The following PCDHGA4 variants were observed in gnomAD, a reference collection of about 807,000 sequenced individuals.
The protein encoded by PCDHGA4 is protocadherin gamma-A4.
PCDHGA4 carries 38 observed loss-of-function variants against 54.6 expected under a neutral mutation model. That is an observed-to-expected ratio of 0.70 (90% CI 0.54 to 0.91). The LOEUF (loss-of-function observed/expected upper bound fraction) is 0.91, where lower values mean the gene tolerates loss of function less well. Ranked by LOEUF, PCDHGA4 falls within the 40% of genes least tolerant of loss-of-function variation. The probability of loss-of-function intolerance (pLI) is 0.00; values close to 1 mark genes in which losing one functional copy is unlikely to be tolerated. For missense variants in PCDHGA4, 1,298 were observed against 1,220.9 expected (o/e 1.06, Z -0.94); for synonymous variants, 511 against 512.9 (o/e 1.00, Z 0.05).
At chr5:141,358,969 G>C (rs1588537487) in intron 1 of PCDHGA4, among the ~76,000 whole-genome samples, 1 of 152,190 alleles carries the variant, frequency 6.6e-6, no homozygotes. Context: ...GGTTCTGTGA[G>C]AATTCAAAAT....
At chr5:141,362,060 T>C (rs764020676) in intron 1 of PCDHGA4, 9 of 1,612,216 alleles carry the variant, frequency 5.6e-6, no homozygotes, top group Non-Finnish European at 7.6e-6. Flanking sequence ...CGCCAGCGCC[T>C]GCTGGTCGCT....
At chr5:141,409,858 G>A in intron 1 of PCDHGA4, 2 of 1,612,340 alleles carry the variant, frequency 1.2e-6, no homozygotes, top group Non-Finnish European at 1.7e-6. Context: ...GCGTGTTGGT[G>A]GGAGACCGCA....
At chr5:141,383,174 G>A in intron 1 of PCDHGA4, 6 of 1,614,084 alleles carry the variant, frequency 3.7e-6, no homozygotes, top group South Asian at 2.2e-5. Flanking sequence ...AGGATAGACC[G>A]GGAAGAGATC....
At chr5:141,394,278 TACTC>T in intron 1 of PCDHGA4, 1 of 1,613,924 alleles carries the variant, frequency 6.2e-7, no homozygotes, top group East Asian at 2.2e-5. Flanking sequence ...CCAGGTCACT[TACTC>T]TGTGACCGAG....
intron 1 of PCDHGA4, chr5:141,421,903 G>A (rs757656265): frequency 6.2e-6 from 10 of 1,613,704 alleles, no homozygotes; most frequent in African/African-American, 1.3e-5. Flanking sequence ...CCGAAAGGGC[G>A]CAGTTCCCAT....
intron 1 of PCDHGA4, chr5:141,423,750 TGGGG>T: frequency 7.0e-5 from 20 of 287,406 alleles, no homozygotes; most frequent in Non-Finnish European, 9.0e-5. Context: ...GAAAACTGTT[TGGGG>T]GGGGGGTGGG....
chr5:141,458,540 TTTTG>T (rs754668779), intron 1 of PCDHGA4, among the ~76,000 whole-genome samples: 43 of 150,468 alleles, frequency 2.9e-4, no homozygotes, highest in East Asian at 1.7e-3. Context: ...ATCAACTTTA[TTTTG>T]TTTGTTTGTT....
intron 1 of PCDHGA4, chr5:141,385,316 G>A: frequency 1.2e-6 from 2 of 1,610,350 alleles, no homozygotes; most frequent in Non-Finnish European, 1.7e-6. Flanking sequence ...AACCTGCCAA[G>A]TATTCAGGTG....
chr5:141,439,212 T>G (rs1391791892), intron 1 of PCDHGA4, among the ~76,000 whole-genome samples: 1 of 150,642 alleles, frequency 6.6e-6, no homozygotes, highest in Non-Finnish European at 1.5e-5. Context: ...AAAATCCATA[T>G]GTGAAAATTC....
At chr5:141,413,445 C>G (rs764464917) in intron 1 of PCDHGA4, 105 of 1,613,986 alleles carry the variant, frequency 6.5e-5, no homozygotes, top group Non-Finnish European at 8.5e-5. Context: ...GCTTGATCAC[C>G]GCGGGCAGGA....
chr5:141,502,825 G>A (rs1487995525), intron 2 of PCDHGA4, among the ~76,000 whole-genome samples: 4 of 151,216 alleles, frequency 2.6e-5, no homozygotes, highest in South Asian at 2.1e-4. Flanking sequence ...TTTCCTTGGG[G>A]AAGCCTGGAC....
At chr5:141,423,920 G>A (rs2096790804) in intron 1 of PCDHGA4, 2 of 1,258,728 alleles carry the variant, frequency 1.6e-6, no homozygotes, top group African/African-American at 1.6e-5. Flanking sequence ...ATTCAACTAT[G>A]CTGGTTTGGT....
At position 141,438,276 on chromosome 5, in the gene PCDHGA4, ATAATT is replaced by A. The variant is rs533892835; in HGVS notation, c.2515-56526_2515-56522del. ...TGAAGAGACCATAGAATCAAACAAA[ATAATT>A]TAATCTGTATGTAAAAGAAGTTGGT... On this transcript the variant is annotated intron_variant, in intron 1 of 3. Coordinates refer to ENST00000571252, the MANE Select transcript of PCDHGA4 (RefSeq NM_018917.4). 1.4e-3 allele frequency among the ~76,000 whole-genome samples: 213 copies of A among 152,246 alleles called. 1 individual carries two copies. The highest frequency in any genetic ancestry group is 4.8e-3 in the African/African-American group (199 of 41,534).
In PCDHGA4 at chr5:141,511,477, C is replaced by A; in HGVS notation, c.*304C>A. 2.1e-6 allele frequency: 1 copy of A among 482,262 alleles called. No homozygotes were observed. The allele number at this position is 482,262 out of a possible 1,614,324, so 29.9% of individuals were successfully genotyped here. A position where few individuals can be genotyped will look rare whatever the true frequency, so the allele number is the denominator to read the frequency against. On this transcript the variant is annotated 3_prime_UTR_variant, in exon 4 of 4. Coordinates refer to ENST00000571252, the MANE Select transcript of PCDHGA4 (RefSeq NM_018917.4). ...TTTGCCACACCCCGTTTAGTTACAG[C>A]TGAACTCCTCCATCTTCCAAATCAA...
chr5:141,495,028 G>C, intron 2 of PCDHGA4, 163 bp downstream of exon 2: 3 of 966,196 alleles, frequency 3.1e-6, no homozygotes, highest in Non-Finnish European at 3.7e-6. Flanking sequence ...CACAGACCCC[G>C]GAAGGAAGAG....
chr5:141,398,476 T>C (rs756685671), intron 1 of PCDHGA4: 1 of 1,607,694 alleles, frequency 6.2e-7, no homozygotes. Flanking sequence ...ACTGAACTTT[T>C]ATCACGTGAA....
chr5:141,359,986 G>T (rs1403272026), intron 1 of PCDHGA4: 1 of 913,802 alleles, frequency 1.1e-6, no homozygotes. Flanking sequence ...CTCTTAGAGG[G>T]GAACTTCCTG....
At chr5:141,419,419 C>T (rs767018815) in intron 1 of PCDHGA4, 1 of 1,613,266 alleles carries the variant, frequency 6.2e-7, no homozygotes, top group Non-Finnish European at 8.5e-7. Flanking sequence ...AGCGCGCCTT[C>T]GACCACGAGC....
chr5:141,494,815 G>T lies in PCDHGA4; in HGVS notation c.2523G>T (p.Pro841=). The change falls in exon 2 of 4, where the codon CCG becomes CCT. Residue 841 remains proline, a synonymous_variant. Transcript: ENST00000571252. ...CTCTGTTTTCTCCACAGCAAGCCCC[G>T]CCCAACACGGACTGGCGTTTCTCTC... The part of the protein sequence containing the change: ...TKGDPNLQQA[P]PNTDWRFSQA... 1.2e-6 allele frequency: 2 copies of T among 1,613,976 alleles called. No individual in the cohort carries two copies. The highest frequency in any genetic ancestry group is 1.1e-5 in the South Asian group (1 of 91,072).
Sources: allele counts gnomAD v4.1 joint callset (sites outside exome capture counted in the v4.1 genomes callset), GRCh38; gene constraint gnomAD v4.1.1; transcripts MANE v1.5; gene names NCBI Gene and HGNC (gene_info 2026-07-23, HGNC 2026-07-21).